Variants in POLR1D observed in about 807,000 individuals in gnomAD.
The protein encoded by POLR1D is DNA-directed RNA polymerases I and III subunit RPAC2.
In POLR1D, 8 loss-of-function variants were observed where a neutral mutation model predicts 10.8. The observed-to-expected ratio is 0.74, with a 90% CI of 0.43 to 1.33. The LOEUF is 1.33. Among genes scored for constraint, POLR1D ranks in the 40% most tolerant of loss-of-function variants. The pLI is 0.01. For synonymous variants in POLR1D, 54 were observed against 57.2 expected (o/e 0.94, Z 0.25); for missense variants, 152 against 161.7 (o/e 0.94, Z 0.32).
At chr13:27,636,470 T>G (rs541937731) in intron 1 of POLR1D, among the ~76,000 whole-genome samples, 16 of 152,310 alleles carry the variant, frequency 1.1e-4, no homozygotes, top group Middle Eastern at 3.4e-3. Context: ...GTTCAGGTAA[T>G]TAAAATGAAA....
At chr13:27,666,986 A>G (rs9512781) in exon 3 of POLR1D, 12,449 of 152,228 alleles carry the variant, frequency 0.082, 647 homozygotes, top group Non-Finnish European at 0.11. Context: ...GATCATCACC[A>G]TGCCACATCC....
intron 1 of POLR1D, among the ~76,000 whole-genome samples, chr13:27,640,182 A>G (rs1956161453): frequency 2.6e-5 from 4 of 152,160 alleles, no homozygotes; most frequent in Non-Finnish European, 4.4e-5. Flanking sequence ...GCATATTATA[A>G]CTGTATTCAA....
chr13:27,622,855 T>C lies in POLR1D; in HGVS notation c.27-20T>C. ...ACAATATTCAGTATGATCTCATTTT[T>C]ATAAAAAATATGTGTGTAGAAAAAT... On this transcript the variant is annotated intron_variant, in intron 1 of 1. Coordinates refer to ENST00000302979, the MANE Select transcript of POLR1D (RefSeq NM_015972.4). The C allele has an allele frequency of 6.5e-7, 1 of 1,537,698 alleles. No homozygotes were observed. Among genetic ancestry groups the C allele is most frequent in the Non-Finnish European group, 9.0e-7 (1 of 1,111,752 alleles).
intron 2 of POLR1D, chr13:27,650,811 G>A (rs562146545): frequency 6.6e-6 from 1 of 152,162 alleles, no homozygotes; most frequent in Non-Finnish European, 1.5e-5. Context: ...GTTAAAATCT[G>A]TAAGGTCATA....
At position 27,664,161 on chromosome 13, in the gene POLR1D, C is replaced by T. The variant is rs559562848; in HGVS notation, c.102-1525C>T. Among the ~76,000 whole-genome samples, 11 of 152,272 alleles carry T rather than the reference C, an allele frequency of 7.2e-5. No homozygotes were observed. In the East Asian group the frequency reaches 1.5e-3, roughly 21 times the overall value. On this transcript the variant is annotated intron_variant, in intron 2 of 2. Coordinates refer to the POLR1D transcript ENST00000399697. ...GCCTCTCATCACGTGCCTGTCTTCC[C>T]GCACAGGAATGTCCTAATGCCAGCG... is the stretch of plus-strand genomic sequence containing the variant.
At position 27,623,296 on chromosome 13, in the gene POLR1D, T is replaced by G; in HGVS notation, c.*46T>G. On this transcript the variant is annotated 3_prime_UTR_variant, in exon 2 of 2. Coordinates refer to ENST00000302979, the MANE Select transcript of POLR1D (RefSeq NM_015972.4). The stretch of plus-strand genomic sequence containing the variant: ...GAGAACTGTCCTGTAGGATATTCTC[T>G]TCCTGATGGTGCAGAACCCAGAATT... The G allele has an allele frequency of 6.2e-7, 1 of 1,611,550 alleles. No homozygotes were observed. Among genetic ancestry groups the G allele is most frequent in the Non-Finnish European group, 8.5e-7 (1 of 1,179,508 alleles).
intron 1 of POLR1D, among the ~76,000 whole-genome samples, chr13:27,638,652 C>T (rs76120207): frequency 2.8e-3 from 421 of 152,272 alleles, no homozygotes; most frequent in African/African-American, 9.3e-3. Context: ...GTAGCCTTGA[C>T]ACGCTGAAGA....
intron 1 of POLR1D, among the ~76,000 whole-genome samples, chr13:27,634,953 A>T (rs560032112): frequency 6.6e-6 from 1 of 152,186 alleles, no homozygotes; most frequent in Admixed American, 6.5e-5. Flanking sequence ...GGGATTAGTC[A>T]TGAGCCACTA....
chr13:27,621,920 C>T lies in POLR1D; in HGVS notation c.-64C>T. On this transcript the variant is annotated 5_prime_UTR_variant, in exon 1 of 2. Transcript: ENST00000302979. The stretch of plus-strand genomic sequence containing the variant: ...TGCTTCCTGCTTCGCCTCCGCGCCT[C>T]GCGCTATGGGACAGAGCCCCCGATC... 1.3e-6 allele frequency: 2 copies of T among 1,540,214 alleles called. 1 individual carries two copies. Among genetic ancestry groups the T allele is most frequent in the South Asian group, 2.4e-5 (2 of 84,836 alleles).
intron 1 of POLR1D, chr13:27,622,372 CTG>C (rs1593274704): frequency 2.7e-6 from 1 of 369,730 alleles, no homozygotes; most frequent in Non-Finnish European, 4.9e-6. Context: ...TAAAGCCACT[CTG>C]TGCGCTGAGC....
At chr13:27,653,062 C>G (rs1593291139) in intron 2 of POLR1D, among the ~76,000 whole-genome samples, 1 of 151,722 alleles carries the variant, frequency 6.6e-6, no homozygotes, top group Admixed American at 6.6e-5. Flanking sequence ...CCATGCCTGA[C>G]TAATGTTTGT....
At chr13:27,629,994 C>T (rs1157388298) in intron 1 of POLR1D, among the ~76,000 whole-genome samples, 3 of 152,142 alleles carry the variant, frequency 2.0e-5, no homozygotes, top group Admixed American at 6.5e-5. Flanking sequence ...TCACTGCAAC[C>T]TCCGCCTCCT....
chr13:27,643,340 A>T lies in POLR1D; in HGVS notation c.27-5039A>T, dbSNP rs142282552. Among the ~76,000 whole-genome samples, 8 of 152,276 alleles carry T rather than the reference A, an allele frequency of 5.3e-5. No individual in the cohort carries two copies. In the East Asian group the frequency reaches 1.5e-3, roughly 29 times the overall value. ...TCCTATTGAGTTTTACCTTGTCTTT[A>T]AAAACGCTTTTCACAATTTGAATTT... On this transcript the variant is annotated intron_variant, in intron 1 of 2. Coordinates refer to the POLR1D transcript ENST00000399697.
chr13:27,634,910 A>G (rs1956108174), intron 1 of POLR1D, among the ~76,000 whole-genome samples: 1 of 151,936 alleles, frequency 6.6e-6, no homozygotes, highest in Non-Finnish European at 1.5e-5. Flanking sequence ...CCTGAGCTCA[A>G]CCTATCCACC....
At chr13:27,627,576 T>A (rs618230), downstream of POLR1D, among the ~76,000 whole-genome samples, 1 of 151,884 alleles carries the variant, frequency 6.6e-6, no homozygotes, top group Non-Finnish European at 1.5e-5. Context: ...CTGAAACATC[T>A]ATTCTTTCAT....
At chr13:27,650,066 C>G in intron 2 of POLR1D, 1 of 398,450 alleles carries the variant, frequency 2.5e-6, no homozygotes, top group Non-Finnish European at 4.4e-6. Context: ...AAGATACAAA[C>G]TAAAATCAGC....
chr13:27,649,631 T>C (rs1956249473), intron 2 of POLR1D, among the ~76,000 whole-genome samples: 1 of 152,154 alleles, frequency 6.6e-6, no homozygotes, highest in Admixed American at 6.5e-5. Context: ...AACCTACCTA[T>C]AATCCTAAAT....
chr13:27,666,758 G>A (rs1956422520), exon 3 of POLR1D: 1 of 152,090 alleles, frequency 6.6e-6, no homozygotes. Context: ...TTAAATAGAA[G>A]TGTTTACAAT....
intron 1 of POLR1D, chr13:27,622,308 G>C (rs887030580): frequency 1.1e-4 from 57 of 525,500 alleles, no homozygotes; most frequent in African/African-American, 1.0e-3. Flanking sequence ...GACGGTACTC[G>C]TGCCTCTGTC....
Sources: allele counts gnomAD v4.1 joint callset (sites outside exome capture counted in the v4.1 genomes callset), GRCh38; gene constraint gnomAD v4.1.1; transcripts MANE v1.5; gene names NCBI Gene and HGNC (gene_info 2026-07-23, HGNC 2026-07-21).